TLE4: variants seen among roughly 807,000 people sequenced by gnomAD.
TLE4 encodes transducin-like enhancer protein 4.
TLE4 carries 8 observed loss-of-function variants against 92.8 expected under a neutral mutation model. The ratio of observed to expected loss-of-function variants is 0.09; its 90% CI spans 0.05 to 0.16. TLE4 has a LOEUF of 0.16. Among genes scored for constraint, TLE4 ranks in the 10% least tolerant of loss-of-function variants. TLE4 has a pLI of 1.00. For synonymous variants in TLE4, 371 were observed against 374.1 expected, an observed-to-expected ratio of 0.99 and a Z score of 0.10; for missense variants, 675 against 997.6, an observed-to-expected ratio of 0.68 and a Z score of 4.36.
At chr9:79,686,929 T>G (rs1392325720) in intron 8 of TLE4, among the ~76,000 whole-genome samples, 1 of 152,216 alleles carries the variant, frequency 6.6e-6, no homozygotes, top group East Asian at 1.9e-4. Context: ...GCATCTACGT[T>G]TAATAAGCCC....
chr9:79,678,005 TAAC>T (rs1180618157), intron 8 of TLE4, among the ~76,000 whole-genome samples: 18 of 152,168 alleles, frequency 1.2e-4, no homozygotes, highest in Non-Finnish European at 2.2e-4. Flanking sequence ...AGTAGCTTGT[TAAC>T]AAAGCAACTA....
At position 79,708,110 on chromosome 9, in the gene TLE4, CT is replaced by C; in HGVS notation, c.937-6del. The C allele has an allele frequency of 6.2e-7, 1 of 1,613,358 alleles. No individual in the cohort carries two copies. The highest frequency in any genetic ancestry group is 8.5e-7 in the Non-Finnish European group (1 of 1,179,534). On this transcript the variant is annotated splice_polypyrimidine_tract_variant and splice_region_variant and intron_variant, in intron 11 of 19. Coordinates refer to ENST00000376552, the MANE Select transcript of TLE4 (RefSeq NM_007005.6). ...TAATTGCTGGTATATGTCATTTCAT[CT>C]TGTTAGAATGAAAAATCTACTACTC...
At chr9:79,636,631 T>G (rs181161766) in intron 6 of TLE4, among the ~76,000 whole-genome samples, 20 of 152,286 alleles carry the variant, frequency 1.3e-4, no homozygotes, top group African/African-American at 4.6e-4. Flanking sequence ...TGTTATTTCC[T>G]GAGGAAGGAC....
rs2071485503 is a variant in TLE4 at position 79,706,090 on chromosome 9, G to T, written c.783+148G>T. ...GGCAGGGTCTTGTTCTCTTGCCCTG[G>T]CTAGAGTACAGTATTGTGACCACAG... On this transcript the variant is annotated intron_variant, in intron 10 of 19. Coordinates refer to ENST00000376552, the MANE Select transcript of TLE4 (RefSeq NM_007005.6). The T allele has an allele frequency of 6.3e-6, 5 of 792,604 alleles. No individual in the cohort carries two copies. The South Asian group carries it at 7.4e-5, about 12-fold the overall frequency. 49.1% of individuals were successfully genotyped at this position (792,604 alleles called of 1,614,324 possible). A position where few individuals can be genotyped will look rare whatever the true frequency, so the allele number is the denominator to read the frequency against.
At chr9:79,623,699 G>GTT (rs35464327) in intron 5 of TLE4, among the ~76,000 whole-genome samples, 2,101 of 137,188 alleles carry the variant, frequency 0.015, 27 homozygotes, top group East Asian at 0.059. Flanking sequence ...CAATCTAAGG[G>GTT]TTTTTTTTTT....
At chr9:79,585,466 C>T (rs1451844756) in intron 4 of TLE4, among the ~76,000 whole-genome samples, 1 of 152,200 alleles carries the variant, frequency 6.6e-6, no homozygotes, top group Non-Finnish European at 1.5e-5. Context: ...TTGACTGATT[C>T]CGGAGCCTCA....
chr9:79,606,225 T>TTTTTTTTTTTTA (rs2046899421), intron 4 of TLE4, among the ~76,000 whole-genome samples: 1 of 127,720 alleles, frequency 7.8e-6, no homozygotes, highest in Non-Finnish European at 1.6e-5. Flanking sequence ...TTTTTTTTTT[T>TTTTTTTTTTTTA]AACAAGCACT....
intron 6 of TLE4, among the ~76,000 whole-genome samples, chr9:79,636,618 A>T (rs558358901): frequency 6.6e-6 from 1 of 152,248 alleles, no homozygotes; most frequent in South Asian, 2.1e-4. Flanking sequence ...GTGTCAGCTC[A>T]GATGTTATTT....
intron 6 of TLE4, among the ~76,000 whole-genome samples, chr9:79,628,920 A>G (rs2053447963): frequency 6.6e-6 from 1 of 151,094 alleles, no homozygotes; most frequent in Non-Finnish European, 1.5e-5. Context: ...ATATGTATAA[A>G]CCAGCTGTGC....
intron 3 of TLE4, among the ~76,000 whole-genome samples, chr9:79,575,271 T>A (rs1197266899): frequency 1.3e-5 from 2 of 152,248 alleles, no homozygotes; most frequent in African/African-American, 4.8e-5. Flanking sequence ...TTTGTTGTTT[T>A]ATTGCTCTTG....
intron 14 of TLE4, among the ~76,000 whole-genome samples, chr9:79,717,006 T>C (rs1175789808): frequency 6.6e-6 from 1 of 152,262 alleles, no homozygotes; most frequent in East Asian, 1.9e-4. Flanking sequence ...TCTCTGCTAA[T>C]AATCTACTTC....
chr9:79,691,762 GT>G (rs2067127729), intron 8 of TLE4, among the ~76,000 whole-genome samples: 1 of 152,214 alleles, frequency 6.6e-6, no homozygotes, highest in Admixed American at 6.5e-5. Flanking sequence ...CAGCCAGAAT[GT>G]CATCTTTTTG....
intron 8 of TLE4, among the ~76,000 whole-genome samples, chr9:79,655,266 G>A (rs1034436543): frequency 2.0e-5 from 3 of 152,164 alleles, no homozygotes; most frequent in African/African-American, 2.4e-5. Flanking sequence ...ACCATTGGCC[G>A]AGGTACAAAT....
intron 6 of TLE4, among the ~76,000 whole-genome samples, chr9:79,641,119 TAAAAA>T (rs761170778): frequency 1.4e-5 from 2 of 138,116 alleles, no homozygotes; most frequent in African/African-American, 5.3e-5. Flanking sequence ...CTTTAAAACT[TAAAAA>T]AAAAAAACAG....
At chr9:79,661,322 A>G (rs1265698336) in intron 8 of TLE4, among the ~76,000 whole-genome samples, 1 of 152,190 alleles carries the variant, frequency 6.6e-6, no homozygotes, top group Non-Finnish European at 1.5e-5. Context: ...TCTTTCTTGA[A>G]TTATTTCTGC....
chr9:79,602,521 A>G (rs992116419), intron 4 of TLE4, among the ~76,000 whole-genome samples: 12 of 152,236 alleles, frequency 7.9e-5, no homozygotes, highest in African/African-American at 2.9e-4. Context: ...CCTGTGTTCT[A>G]TAAATGGAAC....
At chr9:79,666,123 A>G (rs1476896747) in intron 8 of TLE4, among the ~76,000 whole-genome samples, 2 of 149,414 alleles carry the variant, frequency 1.3e-5, no homozygotes, top group Admixed American at 6.6e-5. Flanking sequence ...AGAAGCAGGA[A>G]TGAGGTGGAA....
chr9:79,665,805 A>C (rs1588003800), intron 8 of TLE4, among the ~76,000 whole-genome samples: 1 of 152,138 alleles, frequency 6.6e-6, no homozygotes, highest in Non-Finnish European at 1.5e-5. Flanking sequence ...TTAGTAAATA[A>C]TTTTATTTGT....
At chr9:79,671,335 A>G in intron 8 of TLE4, 1 of 450,274 alleles carries the variant, frequency 2.2e-6, no homozygotes, top group Non-Finnish European at 4.5e-6. Context: ...GTGTGCTTCT[A>G]CTGGTAGGAA....
Sources: allele counts gnomAD v4.1 joint callset (sites outside exome capture counted in the v4.1 genomes callset), GRCh38; gene constraint gnomAD v4.1.1; transcripts MANE v1.5; gene names NCBI Gene and HGNC (gene_info 2026-07-23, HGNC 2026-07-21).